PAX5: variants seen among roughly 807,000 people sequenced by gnomAD.
The protein encoded by PAX5 is paired box protein Pax-5.
In PAX5, 9 loss-of-function variants were observed where a neutral mutation model predicts 43.7. The ratio of observed to expected loss-of-function variants is 0.21; its 90% CI spans 0.12 to 0.36. PAX5 has a LOEUF of 0.36. Among genes scored for constraint, PAX5 ranks in the 10% least tolerant of loss-of-function variants. PAX5 has a pLI of 1.00. For missense variants in PAX5, 383 were observed against 532.7 expected (o/e 0.72, Z 2.77); for synonymous variants, 228 against 214.3 (o/e 1.06, Z -0.56).
At chr9:37,026,396 T>C in intron 1 of PAX5, 1 of 740,532 alleles carries the variant, frequency 1.4e-6, no homozygotes, top group Non-Finnish European at 2.0e-6. Context: ...CTGCCTGGGA[T>C]CCCTGCACTT....
chr9:36,956,365 AG>A (rs1259291398), intron 6 of PAX5, among the ~76,000 whole-genome samples: 1 of 152,254 alleles, frequency 6.6e-6, no homozygotes, highest in East Asian at 1.9e-4. Flanking sequence ...AACAGACAGG[AG>A]GAAAAACTGT....
chr9:36,972,569 C>T (rs941108224), intron 5 of PAX5, among the ~76,000 whole-genome samples: 1 of 152,184 alleles, frequency 6.6e-6, no homozygotes, highest in African/African-American at 2.4e-5. Context: ...CATCCCACCG[C>T]TAAGAGACTG....
intron 5 of PAX5, among the ~76,000 whole-genome samples, chr9:37,001,859 G>T (rs1410485429): frequency 1.6e-5 from 2 of 125,962 alleles, no homozygotes; most frequent in African/African-American, 6.3e-5. Context: ...GGTTTTACAG[G>T]CTCCCAGGGG....
At chr9:37,005,159 C>T (rs747263414) in intron 4 of PAX5, among the ~76,000 whole-genome samples, 8 of 152,230 alleles carry the variant, frequency 5.3e-5, no homozygotes, top group Non-Finnish European at 8.8e-5. Flanking sequence ...AGCCTTCCTT[C>T]ACCCTCTTCA....
At chr9:36,989,560 G>A (rs1227474735) in intron 5 of PAX5, among the ~76,000 whole-genome samples, 2 of 152,226 alleles carry the variant, frequency 1.3e-5, no homozygotes, top group Non-Finnish European at 2.9e-5. Context: ...CTTTGGTGCT[G>A]TGATCTATAC....
At position 37,002,711 on chromosome 9, in the gene PAX5, T is replaced by C; in HGVS notation, c.541A>G (p.Ile181Val). The change falls in exon 5 of 10, where the codon ATC becomes GTC. Residue 181 changes from isoleucine to valine, a missense_variant. This residue lies in a region of PAX5 where 291 missense variants were observed against 342.5 expected (regional missense o/e 0.85). Coordinates refer to ENST00000358127, the MANE Select transcript of PAX5 (RefSeq NM_016734.3). ...GACGTGATGCCCAGGATGCCGCTGA[T>C]GGAGTACGACGAGCCGGCCGAATCC... ...STDSAGSSYS[I>V]SGILGITSPS... is the part of the protein sequence containing the mutation. The C allele has an allele frequency of 2.5e-6, 4 of 1,610,970 alleles. No individual in the cohort carries two copies. The highest frequency in any genetic ancestry group is 3.4e-6 in the Non-Finnish European group (4 of 1,179,052).
intron 6 of PAX5, among the ~76,000 whole-genome samples, chr9:36,960,905 C>T (rs1487581750): frequency 6.6e-6 from 1 of 152,228 alleles, no homozygotes; most frequent in East Asian, 1.9e-4. Flanking sequence ...TCTGCTATTG[C>T]CACGGGGCTG....
At chr9:36,970,839 C>T (rs1358036979) in intron 5 of PAX5, among the ~76,000 whole-genome samples, 1 of 152,214 alleles carries the variant, frequency 6.6e-6, no homozygotes, top group Non-Finnish European at 1.5e-5. Flanking sequence ...ACCACTTTCT[C>T]CCTTATTTTA....
At chr9:37,005,777 C>A (rs928805637) in intron 4 of PAX5, among the ~76,000 whole-genome samples, 1 of 152,256 alleles carries the variant, frequency 6.6e-6, no homozygotes, top group African/African-American at 2.4e-5. Flanking sequence ...AGCTAACCAG[C>A]GGTGTTTCCT....
chr9:36,844,711 T>G (rs967458559), intron 9 of PAX5, among the ~76,000 whole-genome samples: 1 of 152,150 alleles, frequency 6.6e-6, no homozygotes, highest in Admixed American at 6.5e-5. Context: ...ATTGGGGCTG[T>G]GAACTAGATT....
At chr9:37,006,648 C>A in intron 3 of PAX5, 111 bp from the exon 4 acceptor site, 1 of 841,052 alleles carries the variant, frequency 1.2e-6, no homozygotes, top group South Asian at 1.4e-5. Context: ...GGCCATGGTT[C>A]GAGCTGAGGC....
chr9:36,980,631 A>G (rs1835831307), intron 5 of PAX5, among the ~76,000 whole-genome samples: 1 of 152,170 alleles, frequency 6.6e-6, no homozygotes, highest in African/African-American at 2.4e-5. Flanking sequence ...AGGGTCATAC[A>G]GTCTAATCTG....
rs1025970600 is a variant in PAX5, at chr9:36,837,604, C to G, written c.*2956G>C. 1.7e-5 allele frequency: 4 copies of G among 233,220 alleles called. No homozygotes were observed. The highest frequency in any genetic ancestry group is 6.6e-5 in the African/African-American group (3 of 45,330). The allele number at this position is 233,220 out of a possible 1,614,324, so 14.4% of individuals were successfully genotyped here. The stretch of plus-strand genomic sequence containing the variant: ...ATCCTCACCAAGCTCCCAGGCAGCT[C>G]CGCTGGACCACGAGGTGCTGTGAAT... On this transcript the variant is annotated 3_prime_UTR_variant, in exon 10 of 10. Transcript: ENST00000358127.
Position 37,034,103 on chromosome 9 carries a change from T to TTTC in PAX5, c.-73_-72insGAA, listed in dbSNP as rs1564102821. The TTTC allele has an allele frequency of 1.1e-5, 6 of 528,430 alleles. No individual in the cohort carries two copies. The highest frequency in any genetic ancestry group is 1.8e-5 in the Non-Finnish European group (6 of 328,432). 32.7% of individuals were successfully genotyped at this position (528,430 alleles called of 1,614,324 possible). A position where few individuals can be genotyped will look rare whatever the true frequency, so the allele number is the denominator to read the frequency against. On this transcript the variant is annotated 5_prime_UTR_variant, in exon 1 of 10. Transcript: ENST00000358127. ...TTTTTTGTGCCTTTTTTTTTCTTTT[T>TTTC]TTTTTTTTTTTTTTTTTTTTTTTGG... is the stretch of plus-strand genomic sequence containing the variant.
At chr9:36,852,891 C>T (rs1423008589) in intron 8 of PAX5, among the ~76,000 whole-genome samples, 5 of 152,176 alleles carry the variant, frequency 3.3e-5, no homozygotes, top group Non-Finnish European at 7.4e-5. Flanking sequence ...TCCCAGACCC[C>T]AGGGATCCCA....
At chr9:36,944,736 T>C (rs560318116) in intron 6 of PAX5, among the ~76,000 whole-genome samples, 51 of 152,314 alleles carry the variant, frequency 3.3e-4, no homozygotes, top group African/African-American at 1.1e-3. Flanking sequence ...TCTTAGGGTG[T>C]CTCCATATGG....
chr9:36,843,734 G>T (rs1255282508), intron 9 of PAX5, among the ~76,000 whole-genome samples: 1 of 152,236 alleles, frequency 6.6e-6, no homozygotes, highest in African/African-American at 2.4e-5. Context: ...CTGCCAATTA[G>T]ACTTTCTTGT....
intron 6 of PAX5, among the ~76,000 whole-genome samples, chr9:36,944,483 T>C (rs1285230352): frequency 6.6e-6 from 1 of 152,088 alleles, no homozygotes. Flanking sequence ...AGCCAGGAGA[T>C]GAGGCTGGAG....
chr9:37,020,706 C>T lies in PAX5; in HGVS notation c.142G>A (p.Gly48Ser), dbSNP rs770569112. 6.2e-7 allele frequency: 1 copy of T among 1,614,178 alleles called. No homozygotes were observed. The highest frequency in any genetic ancestry group is 8.5e-7 in the Non-Finnish European group (1 of 1,180,032). The change falls in exon 2 of 10, where the codon GGT becomes AGT. Residue 48 changes from glycine (G) to serine (S), a missense_variant. Gly to Ser is a moderately conservative substitution (Grantham distance 56). This residue lies in a region of PAX5 where 54 missense variants were observed against 68.6 expected (regional missense o/e 0.79). Coordinates refer to ENST00000358127, the MANE Select transcript of PAX5 (RefSeq NM_016734.3). ...CTGGAGATGTCGCAGGGCCTGACAC[C>T]TTGATGAGCAAGTTCCACTATCCTC... is the stretch of plus-strand genomic sequence containing the variant. The part of the protein sequence containing the change: ...RQRIVELAHQ[G>S]VRPCDISRQL...
Sources: allele counts gnomAD v4.1 joint callset (sites outside exome capture counted in the v4.1 genomes callset), GRCh38; gene constraint gnomAD v4.1.1; regional missense constraint gnomAD v4.1.1; transcripts MANE v1.5; gene names NCBI Gene and HGNC (gene_info 2026-07-23, HGNC 2026-07-21).